Variants in RANBP6 observed in about 807,000 individuals in gnomAD.
The protein encoded by RANBP6 is RAN binding protein 6.
In RANBP6, 10 loss-of-function variants were observed where a neutral mutation model predicts 35.3. The ratio of observed to expected loss-of-function variants is 0.28; its 90% CI spans 0.17 to 0.48. The LOEUF (loss-of-function observed/expected upper bound fraction) is 0.48, where lower values mean the gene tolerates loss of function less well. Ranked by LOEUF, RANBP6 falls within the 20% of genes least tolerant of loss-of-function variation. The pLI is 0.99. For synonymous variants in RANBP6, 514 were observed against 464.2 expected (o/e 1.11, Z -1.38); for missense variants, 1,392 against 1,307.7 (o/e 1.06, Z -0.99).
rs1399647619 is a variant in RANBP6, at chr9:6,015,255, CAA to C, written c.351_352del (p.Cys118Ter). ...CCTGGCCAGCACTGCAAAAATATCA[CAA>C]AGTTTTTTCCTCATGCTAGCATGTG... On this transcript the variant is annotated frameshift_variant, in exon 1 of 1. Transcript: ENST00000259569. LOFTEE classifies it low-confidence loss of function (END_TRUNC). The C allele has an allele frequency of 6.2e-7, 1 of 1,614,198 alleles. No individual in the cohort carries two copies. The highest frequency in any genetic ancestry group is 1.1e-5 in the South Asian group (1 of 91,090).
In RANBP6 at chr9:6,014,450, T is replaced by C; in HGVS notation, c.1158A>G (p.Gly386=). The C allele has an allele frequency of 6.2e-7, 1 of 1,614,206 alleles. No individual in the cohort carries two copies. Among genetic ancestry groups the C allele is most frequent in the Non-Finnish European group, 8.5e-7 (1 of 1,180,040 alleles). ...QSPDWKYRHA[G]LMALSAIGEG... Reference sequence around the variant, plus strand: ...CTCCAATGGCAGATAAGGCCATTAATCCAGCATGTCGATACTTCCAGTCAG... The same window carrying C: ...CTCCAATGGCAGATAAGGCCATTAACCCAGCATGTCGATACTTCCAGTCAG... The change falls in exon 1 of 1, where the codon GGA becomes GGG. Residue 386 remains glycine (G), a synonymous_variant. Coordinates refer to ENST00000259569, the MANE Select transcript of RANBP6 (RefSeq NM_012416.4).
rs753811575 is a variant in RANBP6 at position 6,013,091 on chromosome 9, C to T, written c.2517G>A (p.Glu839=). 42 of 1,613,850 alleles carry T rather than the reference C, an allele frequency of 2.6e-5. No individual in the cohort carries two copies. The highest frequency in any genetic ancestry group is 3.1e-5 in the Non-Finnish European group (37 of 1,179,982). The part of the protein sequence containing the change: ...DQQVEMSLQD[E]DECDVYILTK... ...TCAGAATATAAACATCACATTCATC[C>T]TCATCTTGCAGAGACATCTCAACCT... Residue 839 remains glutamate (E), a synonymous_variant, in exon 1 of 1, where the codon GAG becomes GAA. Transcript: ENST00000259569.
chr9:6,015,295 C>G lies in RANBP6; in HGVS notation c.313G>C (p.Val105Leu), dbSNP rs1204679633. 9.9e-6 allele frequency: 16 copies of G among 1,614,204 alleles called. No individual in the cohort carries two copies. The highest frequency in any genetic ancestry group is 1.1e-5 in the Non-Finnish European group (13 of 1,180,040). The change falls in exon 1 of 1, where the codon GTT becomes CTT. Residue 105 changes from valine (V) to leucine (L), a missense_variant. Coordinates refer to ENST00000259569, the MANE Select transcript of RANBP6 (RefSeq NM_012416.4). ...ATGCTAGCATGTGTTTCTAACTTAA[C>G]AGCCAGAATCAGTTCAATCTTGACA... is the stretch of plus-strand genomic sequence containing the variant. ...RDVKIELILA[V>L]KLETHASMRK...
In RANBP6 at chr9:6,012,264, T is replaced by C. The variant is rs762608889; in HGVS notation, c.*26A>G. ...TATTTGTAGTTACTTTTATAATAGA[T>C]AATATTCAAGTTATATTAAAGTGCT... On this transcript the variant is annotated 3_prime_UTR_variant, in exon 1 of 1. Coordinates refer to ENST00000259569, the MANE Select transcript of RANBP6 (RefSeq NM_012416.4). 1 of 1,437,922 alleles carries C rather than the reference T, an allele frequency of 7.0e-7. No individual in the cohort carries two copies. Among genetic ancestry groups the C allele is most frequent in the South Asian group, 1.4e-5 (1 of 71,642 alleles). The allele number at this position is 1,437,922 out of a possible 1,614,324, so 89.1% of individuals were successfully genotyped here. A position where few individuals can be genotyped will look rare whatever the true frequency, so the allele number is the denominator to read the frequency against.
Position 6,014,688 on chromosome 9 carries a change from T to G in RANBP6, c.920A>C (p.Asn307Thr). The G allele has an allele frequency of 6.2e-7, 1 of 1,614,168 alleles. No homozygotes were observed. Among genetic ancestry groups the G allele is most frequent in the Non-Finnish European group, 8.5e-7 (1 of 1,180,044 alleles). Residue 307 changes from asparagine (N) to threonine (T), a missense_variant, in exon 1 of 1, where the codon AAT (asparagine) becomes ACT (threonine). Transcript: ENST00000259569. The part of the protein sequence containing the change: ...TATPMLKKHT[N>T]IIAQAVPHIL... The stretch of plus-strand genomic sequence containing the variant: ...ATGAGGAACTGCCTGTGCAATAATA[T>G]TTGTATGTTTTTTCAACATCGGAGT...
In RANBP6 at chr9:6,014,864, A is replaced by C; in HGVS notation, c.744T>G (p.Leu248=). The stretch of plus-strand genomic sequence containing the variant: ...TAGGTACGGTATCTGCAATCTCAAC[A>C]AGGGATTCTAGCACTGAATCATCAT... The part of the protein sequence containing the change: ...YQDDDSVLES[L]VEIADTVPKY... Residue 248 remains leucine, a synonymous_variant, in exon 1 of 1, where the codon CTT becomes CTG. Transcript: ENST00000259569. The C allele has an allele frequency of 1.2e-6, 2 of 1,614,184 alleles. No individual in the cohort carries two copies. Among genetic ancestry groups the C allele is most frequent in the Non-Finnish European group, 1.7e-6 (2 of 1,180,026 alleles).
chr9:6,014,268 T>C lies in RANBP6; in HGVS notation c.1340A>G (p.His447Arg). ...TAACAGAGCTGCAATCACTGTTTCA[T>C]GAAATTTCTTTTGGAAATTAGGTGC... ...DFAPNFQKKF[H>R]ETVIAALLRT... Residue 447 changes from histidine (H) to arginine (R), a missense_variant, in exon 1 of 1, where the codon CAT becomes CGT. His to Arg is a conservative substitution (Grantham distance 29, BLOSUM62 0). Transcript: ENST00000259569. The C allele has an allele frequency of 6.2e-7, 1 of 1,614,228 alleles. No homozygotes were observed. The highest frequency in any genetic ancestry group is 8.5e-7 in the Non-Finnish European group (1 of 1,180,026).
rs780995789 is a variant in RANBP6, at chr9:6,015,053, C to T, written c.555G>A (p.Leu185=). The T allele has an allele frequency of 3.7e-6, 6 of 1,614,146 alleles. No homozygotes were observed. The highest frequency in any genetic ancestry group is 2.2e-5 in the East Asian group (1 of 44,894). Reference sequence around the variant, plus strand: ...GTTCTTGATCTTGAATACACTGGTCCAACAACCGTTTGATGATATCCAAAT... The same window carrying T: ...GTTCTTGATCTTGAATACACTGGTCTAACAACCGTTTGATGATATCCAAAT... The part of the protein sequence containing the change: ...RHDLDIIKRL[L]DQCIQDQEHP... The change falls in exon 1 of 1, where the codon TTG becomes TTA. Residue 185 remains leucine, a synonymous_variant. Coordinates refer to ENST00000259569, the MANE Select transcript of RANBP6 (RefSeq NM_012416.4).
rs1336215194 is a variant in RANBP6 at position 6,012,842 on chromosome 9, C to T, written c.2766G>A (p.Met922Ile). Reference sequence around the variant, plus strand: ...GCCTGACTTCAGGGTTGTTATCTCGCATATTTAGTAGCATTGGCCACCGAA... The same window carrying T: ...GCCTGACTTCAGGGTTGTTATCTCGTATATTTAGTAGCATTGGCCACCGAA... ...EYFRWPMLLN[M>I]RDNNPEVRQA... The change falls in exon 1 of 1, where the codon ATG becomes ATA. Residue 922 changes from methionine (M) to isoleucine (I), a missense_variant. Met to Ile is a conservative substitution (Grantham distance 10). Coordinates refer to ENST00000259569, the MANE Select transcript of RANBP6 (RefSeq NM_012416.4). 1 of 1,614,028 alleles carries T rather than the reference C, an allele frequency of 6.2e-7. No homozygotes were observed. Among genetic ancestry groups the T allele is most frequent in the Admixed American group, 1.7e-5 (1 of 60,002 alleles).
chr9:6,012,121 G>T lies in RANBP6; in HGVS notation c.*169C>A. On this transcript the variant is annotated 3_prime_UTR_variant, in exon 1 of 1. Transcript: ENST00000259569. ...GGTCTGTGTTTGGAAGATAAAACAT[G>T]CGAGATAAACAGAGGACTAACACTG... The T allele has an allele frequency of 2.0e-6, 1 of 505,872 alleles. No individual in the cohort carries two copies. Among genetic ancestry groups the T allele is most frequent in the Non-Finnish European group, 3.4e-6 (1 of 297,952 alleles). 31.3% of individuals were successfully genotyped at this position (505,872 alleles called of 1,614,324 possible).
In RANBP6 at chr9:6,013,059, A is replaced by G; in HGVS notation, c.2549T>C (p.Val850Ala). 2 of 1,613,894 alleles carry G rather than the reference A, an allele frequency of 1.2e-6. No individual in the cohort carries two copies. Among genetic ancestry groups the G allele is most frequent in the Admixed American group, 1.7e-5 (1 of 59,996 alleles). Reference protein sequence around the residue: ...DECDVYILTKVSDILHSLFST... With the variant: ...DECDVYILTKASDILHSLFST... ...AAATAATGAGTGCAAAATATCTGAT[A>G]CTTTGGTCAGAATATAAACATCACA... The change falls in exon 1 of 1, where the codon GTA (valine) becomes GCA (alanine). Residue 850 changes from valine to alanine, a missense_variant. Transcript: ENST00000259569.
rs1842464962 is a variant in RANBP6 at position 6,011,253 on chromosome 9, A to G, written c.*1037T>C. ...TTAATATAATTAACCCTGGACTTAT[A>G]GAACTGTTTTCTCATAATAATGCAC... On this transcript the variant is annotated 3_prime_UTR_variant, in exon 1 of 1. Coordinates refer to ENST00000259569, the MANE Select transcript of RANBP6 (RefSeq NM_012416.4). 1 of 152,358 alleles carries G rather than the reference A, an allele frequency of 6.6e-6. No homozygotes were observed. Among genetic ancestry groups the G allele is most frequent in the Non-Finnish European group, 1.5e-5 (1 of 68,020 alleles). The allele number at this position is 152,358 out of a possible 1,614,324, so 9.4% of individuals were successfully genotyped here.
Position 6,012,426 on chromosome 9 carries a change from T to A in RANBP6, c.3182A>T (p.Tyr1061Phe), listed in dbSNP as rs371185956. The change falls in exon 1 of 1, where the codon TAT becomes TTT. Residue 1061 changes from tyrosine (Y) to phenylalanine (F), a missense_variant. Tyr to Phe is a conservative substitution (Grantham distance 22). Transcript: ENST00000259569. ...TAGGCGTTTGGCACAAGGATCCTCA[T>A]AGTTAATAGTCTCATTAATTTTTCC... ...AEGKINETIN[Y>F]EDPCAKRLAN... The A allele has an allele frequency of 1.9e-6, 3 of 1,613,864 alleles. No homozygotes were observed. Among genetic ancestry groups the A allele is most frequent in the Non-Finnish European group, 8.5e-7 (1 of 1,179,900 alleles).
rs1224934881 is a variant in RANBP6, at chr9:6,014,254, C to G, written c.1354G>C (p.Ala452Pro). 6.2e-7 allele frequency: 1 copy of G among 1,614,134 alleles called. No individual in the cohort carries two copies. Among genetic ancestry groups the G allele is most frequent in the Non-Finnish European group, 8.5e-7 (1 of 1,180,008 alleles). ...TTTTCCATGGTACGTAACAGAGCTG[C>G]AATCACTGTTTCATGAAATTTCTTT... ...FQKKFHETVI[A>P]ALLRTMENQG... Residue 452 changes from alanine (A) to proline (P), a missense_variant, in exon 1 of 1, where the codon GCA becomes CCA. Transcript: ENST00000259569.
At position 6,014,918 on chromosome 9, in the gene RANBP6, T is replaced by C. The variant is rs1216697512; in HGVS notation, c.690A>G (p.Leu230=). 3 of 1,614,124 alleles carry C rather than the reference T, an allele frequency of 1.9e-6. No homozygotes were observed. The highest frequency in any genetic ancestry group is 2.5e-6 in the Non-Finnish European group (3 of 1,179,974). The change falls in exon 1 of 1, where the codon TTA becomes TTG. Residue 230 remains leucine, a synonymous_variant. Coordinates refer to ENST00000259569, the MANE Select transcript of RANBP6 (RefSeq NM_012416.4). ...KDFADLLPGI[L]QAVNDSCYQD... is the part of the protein sequence containing the mutation. The stretch of plus-strand genomic sequence containing the variant: ...GGTAGCATGAGTCATTCACAGCCTG[T>C]AAGATTCCAGGAAGCAAGTCTGCAA...
Position 6,015,449 on chromosome 9 carries a change from G to A in RANBP6, c.159C>T (p.Leu53=), listed in dbSNP as rs772808526. The A allele has an allele frequency of 3.5e-5, 57 of 1,614,210 alleles. No individual in the cohort carries two copies. The African/African-American group carries it at 7.5e-4, about 21-fold the overall frequency. Residue 53 remains leucine, a synonymous_variant, in exon 1 of 1, where the codon CTC becomes CTT. Transcript: ENST00000259569. ...NIPGLCKTTF[L]LDAVRNRRAG... ...CTCTTCTATTTCTGACGGCATCTAA[G>A]AGGAAGGTAGTCTTACACAGACCTG...
In RANBP6 at chr9:6,013,909, C is replaced by G. The variant is rs777758307; in HGVS notation, c.1699G>C (p.Glu567Gln). The part of the protein sequence containing the change: ...ELKLLRGKTI[E>Q]CISHIGLAVG... Reference sequence around the variant, plus strand: ...GCAAGACCAATATGGCTAATGCACTCGATAGTTTTTCCTCTCAGAAGCTTG... The same window carrying G: ...GCAAGACCAATATGGCTAATGCACTGGATAGTTTTTCCTCTCAGAAGCTTG... Residue 567 changes from glutamate (E) to glutamine (Q), a missense_variant, in exon 1 of 1, where the codon GAG (glutamate) becomes CAG (glutamine). By Grantham distance (29) the Glu-to-Gln change is conservative (BLOSUM62 2). Coordinates refer to ENST00000259569, the MANE Select transcript of RANBP6 (RefSeq NM_012416.4). The G allele has an allele frequency of 6.2e-6, 10 of 1,613,808 alleles. No homozygotes were observed. Among genetic ancestry groups the G allele is most frequent in the African/African-American group, 4.0e-5 (3 of 74,914 alleles).
At position 6,015,593 on chromosome 9, in the gene RANBP6, C is replaced by A. The variant is rs1331917505; in HGVS notation, c.15G>T (p.Ala5=). The A allele has an allele frequency of 2.5e-6, 4 of 1,595,468 alleles. No homozygotes were observed. Among genetic ancestry groups the A allele is most frequent in the Non-Finnish European group, 3.4e-6 (4 of 1,176,556 alleles). ...ACACGGTCGCCGGCACCCCTGCAGACGCGGTTGCCGCCATTGCGCTCTGTC... is the reference window on the plus strand; with the variant it reads ...ACACGGTCGCCGGCACCCCTGCAGAAGCGGTTGCCGCCATTGCGCTCTGTC... The part of the protein sequence containing the change: MAAT[A]SAGVPATVSE... Residue 5 remains alanine (A), a synonymous_variant, in exon 1 of 1, where the codon GCG becomes GCT. Coordinates refer to ENST00000259569, the MANE Select transcript of RANBP6 (RefSeq NM_012416.4).
In RANBP6 at chr9:6,014,665, G is replaced by A. The variant is rs776828625; in HGVS notation, c.943C>T (p.His315Tyr). 1.9e-6 allele frequency: 3 copies of A among 1,614,016 alleles called. No homozygotes were observed. Among genetic ancestry groups the A allele is most frequent in the South Asian group, 2.2e-5 (2 of 91,092 alleles). Reference sequence around the variant, plus strand: ...AGATCAACCATCATTGCTAATATATGAGGAACTGCCTGTGCAATAATATTT... The same window carrying A: ...AGATCAACCATCATTGCTAATATATAAGGAACTGCCTGTGCAATAATATTT... ...HTNIIAQAVP[H>Y]ILAMMVDLQD... The change falls in exon 1 of 1, where the codon CAT becomes TAT. Residue 315 changes from histidine to tyrosine, a missense_variant. Coordinates refer to ENST00000259569, the MANE Select transcript of RANBP6 (RefSeq NM_012416.4).
Sources: gnomAD v4.1 joint callset for allele counts on GRCh38, gnomAD v4.1.1 for gene constraint, MANE v1.5 for transcripts, NCBI Gene and HGNC (gene_info 2026-07-23, HGNC 2026-07-21) for gene names.